CNOT8: variants seen among roughly 807,000 people sequenced by gnomAD.
The protein encoded by CNOT8 is CAF1-like protein.
A neutral mutation model predicts 34.6 loss-of-function variants in CNOT8; 18 were observed. The ratio of observed to expected loss-of-function variants is 0.52; its 90% CI spans 0.36 to 0.77. CNOT8 has a LOEUF of 0.77. Among genes scored for constraint, CNOT8 ranks in the 30% least tolerant of loss-of-function variants. The pLI is 0.00. For missense variants in CNOT8, 189 were observed against 347.9 expected, an observed-to-expected ratio of 0.54 and a Z score of 3.63; for synonymous variants, 101 against 118.8, an observed-to-expected ratio of 0.85 and a Z score of 0.98.
intron 3 of CNOT8, among the ~76,000 whole-genome samples, chr5:154,867,493 TCAAA>T (rs1225328268): frequency 6.6e-6 from 1 of 152,166 alleles, no homozygotes; most frequent in Non-Finnish European, 1.5e-5. Flanking sequence ...TACAAGTAGC[TCAAA>T]CAATTACACT....
chr5:154,872,917 C>T (rs1762611256), intron 6 of CNOT8, among the ~76,000 whole-genome samples: 1 of 152,066 alleles, frequency 6.6e-6, no homozygotes, highest in Non-Finnish European at 1.5e-5. Flanking sequence ...TATAGGTGCC[C>T]GCCACCATGC....
At chr5:154,874,548 C>A (rs550601986) in intron 6 of CNOT8, among the ~76,000 whole-genome samples, 13 of 151,902 alleles carry the variant, frequency 8.6e-5, no homozygotes, top group African/African-American at 3.1e-4. Context: ...TTTTCTTTTT[C>A]TTTCGAGACG....
intron 6 of CNOT8, among the ~76,000 whole-genome samples, 160 bp downstream of exon 6, chr5:154,872,811 C>T (rs543898483): frequency 1.3e-5 from 2 of 152,224 alleles, no homozygotes; most frequent in South Asian, 4.2e-4. Flanking sequence ...CTCTGTCACC[C>T]AGGCTGGAGT....
intron 1 of CNOT8, among the ~76,000 whole-genome samples, 187 bp from the exon 2 acceptor site, chr5:154,863,020 T>C (rs1761497460): frequency 6.6e-6 from 1 of 152,122 alleles, no homozygotes; most frequent in Non-Finnish European, 1.5e-5. Flanking sequence ...GAACTGTGTG[T>C]GTGTGCGTGT....
intron 3 of CNOT8, among the ~76,000 whole-genome samples, chr5:154,868,055 GCCTCCCGA>G (rs1762071321): frequency 2.6e-5 from 4 of 151,614 alleles, no homozygotes; most frequent in African/African-American, 9.7e-5. Context: ...TCCTGCCTCA[GCCTCCCGA>G]GTAGCTGGGA....
chr5:154,876,086 CTTCA>C lies in CNOT8; in HGVS notation c.*653_*656del, dbSNP rs1210256948. The C allele has an allele frequency of 1.3e-5, 2 of 152,324 alleles. No individual in the cohort carries two copies. Among genetic ancestry groups the C allele is most frequent in the Admixed American group, 6.5e-5 (1 of 15,288 alleles). The allele number at this position is 152,324 out of a possible 1,614,324, so 9.4% of individuals were successfully genotyped here. A position where few individuals can be genotyped will look rare whatever the true frequency, so the allele number is the denominator to read the frequency against. On this transcript the variant is annotated 3_prime_UTR_variant, in exon 7 of 7. Transcript: ENST00000285896. ...AACAATTTTACTGAATCTGTCTACC[CTTCA>C]TTCATGAGAACTCCAGAATGAGTGT... is the stretch of plus-strand genomic sequence containing the variant.
chr5:154,874,836 C>T (rs1231436921), intron 6 of CNOT8, among the ~76,000 whole-genome samples: 1 of 151,914 alleles, frequency 6.6e-6, no homozygotes, highest in Admixed American at 6.6e-5. Context: ...CCTGGCCGAG[C>T]CTTTCTATAC....
At chr5:154,861,439 C>A (rs1449288430) in intron 1 of CNOT8, among the ~76,000 whole-genome samples, 1 of 152,122 alleles carries the variant, frequency 6.6e-6, no homozygotes, top group Non-Finnish European at 1.5e-5. Context: ...GCTGGCAAAC[C>A]AACAGTTTGA....
chr5:154,867,763 C>A, intron 3 of CNOT8: 2 of 214,450 alleles, frequency 9.3e-6, no homozygotes, highest in South Asian at 4.6e-5. Context: ...ACAGACAACA[C>A]ATACCCATTA....
In CNOT8 at chr5:154,861,844, G is replaced by T. The variant is rs575132298; in HGVS notation, c.-72-1363G>T. On this transcript the variant is annotated intron_variant, in intron 1 of 6. Transcript: ENST00000285896. ...CTCCCGAGTAGCTGGGACTGCAGGCGCGTGCCACCACAGCCAGCCAACGTT... is the reference window on the plus strand; with the variant it reads ...CTCCCGAGTAGCTGGGACTGCAGGCTCGTGCCACCACAGCCAGCCAACGTT... 7.2e-5 allele frequency among the ~76,000 whole-genome samples: 11 copies of T among 152,290 alleles called. No homozygotes were observed. In the South Asian group the frequency reaches 2.3e-3, roughly 32 times the overall value.
chr5:154,869,778 C>T (rs1762289725), intron 3 of CNOT8, among the ~76,000 whole-genome samples: 1 of 152,174 alleles, frequency 6.6e-6, no homozygotes, highest in South Asian at 2.1e-4. Flanking sequence ...GCGTGCGCCA[C>T]CACGCCCAGC....
chr5:154,863,612 T>C (rs1164842917), intron 2 of CNOT8, among the ~76,000 whole-genome samples: 1 of 152,102 alleles, frequency 6.6e-6, no homozygotes, highest in Non-Finnish European at 1.5e-5. Flanking sequence ...CCTTCTTATA[T>C]GGATGGGTTT....
upstream of CNOT8, chr5:154,858,528 G>C (rs1185048689): frequency 6.6e-6 from 1 of 152,266 alleles, no homozygotes; most frequent in African/African-American, 2.4e-5. Flanking sequence ...GAGAGCAGGC[G>C]AGTCGGGCGG....
At chr5:154,874,813 G>A (rs952339341) in intron 6 of CNOT8, among the ~76,000 whole-genome samples, 1 of 151,958 alleles carries the variant, frequency 6.6e-6, no homozygotes, top group Non-Finnish European at 1.5e-5. Context: ...GATTACAGGC[G>A]TGAGCCACTG....
At chr5:154,874,123 C>T in intron 6 of CNOT8, among the ~76,000 whole-genome samples, 1 of 152,042 alleles carries the variant, frequency 6.6e-6, no homozygotes, top group East Asian at 1.9e-4. Context: ...AATCCACAGC[C>T]CAAGCCCAGC....
chr5:154,870,784 G>A lies in CNOT8; in HGVS notation c.435G>A (p.Val145=). 6.2e-7 allele frequency: 1 copy of A among 1,613,852 alleles called. No individual in the cohort carries two copies. The highest frequency in any genetic ancestry group is 8.5e-7 in the Non-Finnish European group (1 of 1,179,894). ...CAGAGCTGCTTATGACATCAGGAGT[G>A]GTTCTCTGTGACAATGTCAAATGGC... is the stretch of plus-strand genomic sequence containing the variant. The part of the protein sequence containing the change: ...HFAELLMTSG[V]VLCDNVKWLS... Residue 145 remains valine (V), a synonymous_variant, in exon 4 of 7, where the codon GTG becomes GTA. Transcript: ENST00000285896.
At chr5:154,868,544 A>G (rs1384239719) in intron 3 of CNOT8, among the ~76,000 whole-genome samples, 1 of 152,038 alleles carries the variant, frequency 6.6e-6, no homozygotes, top group Non-Finnish European at 1.5e-5. Context: ...GATTACATAC[A>G]GTTGTGAGCC....
chr5:154,858,377 G>C (rs1437534355), upstream of CNOT8: 3 of 152,342 alleles, frequency 2.0e-5, no homozygotes, highest in Middle Eastern at 3.4e-3. Context: ...CCACCTATTC[G>C]GCGGCACCCT....
At chr5:154,859,676 G>A (rs937414118) in intron 1 of CNOT8, 5 of 152,174 alleles carry the variant, frequency 3.3e-5, no homozygotes, top group African/African-American at 1.2e-4. Flanking sequence ...CAGACTCAAC[G>A]TTTCTTTTCC....
Sources: allele counts gnomAD v4.1 joint callset (sites outside exome capture counted in the v4.1 genomes callset), GRCh38; gene constraint gnomAD v4.1.1; transcripts MANE v1.5; gene names NCBI Gene and HGNC (gene_info 2026-07-23, HGNC 2026-07-21).